The following IL18RAP variants were observed in gnomAD, a reference collection of about 807,000 sequenced individuals.
IL18RAP encodes the protein interleukin 18 receptor accessory protein.
A neutral mutation model predicts 58.1 loss-of-function variants in IL18RAP; 37 were observed. That is an observed-to-expected ratio of 0.64 (90% CI 0.49 to 0.84). IL18RAP has a LOEUF of 0.84. Ranked by LOEUF, IL18RAP falls within the 40% of genes least tolerant of loss-of-function variation. The probability of loss-of-function intolerance (pLI) is 0.00; values close to 1 mark genes in which losing one functional copy is unlikely to be tolerated. For missense variants in IL18RAP, 667 were observed against 704.8 expected, an observed-to-expected ratio of 0.95 and a Z score of 0.61; for synonymous variants, 268 against 257.5, an observed-to-expected ratio of 1.04 and a Z score of -0.39.
At chr2:102,446,675 C>T (rs899138416) in intron 7 of IL18RAP, among the ~76,000 whole-genome samples, 13 of 152,150 alleles carry the variant, frequency 8.5e-5, no homozygotes, top group African/African-American at 1.4e-4. Context: ...GTGGCGGGCG[C>T]CTGTAGTCCC....
intron 3 of IL18RAP, among the ~76,000 whole-genome samples, chr2:102,425,119 G>A (rs1382117285): frequency 6.6e-6 from 1 of 152,148 alleles, no homozygotes; most frequent in Non-Finnish European, 1.5e-5. Flanking sequence ...ATTCTTGGGT[G>A]GTGGAATCCA....
chr2:102,422,364 A>G (rs565139294), upstream of IL18RAP, among the ~76,000 whole-genome samples: 9 of 152,240 alleles, frequency 5.9e-5, no homozygotes, highest in Admixed American at 3.9e-4. Flanking sequence ...GCCTACTTTT[A>G]AAGGTTGAGG....
chr2:102,431,649 G>A (rs1006424614), intron 3 of IL18RAP, among the ~76,000 whole-genome samples: 9 of 151,414 alleles, frequency 5.9e-5, no homozygotes, highest in African/African-American at 1.2e-4. Flanking sequence ...CTGACATCAC[G>A]GATGCTTTCT....
chr2:102,435,567 G>C (rs1270261473), intron 3 of IL18RAP, among the ~76,000 whole-genome samples: 1 of 152,154 alleles, frequency 6.6e-6, no homozygotes, highest in East Asian at 1.9e-4. Flanking sequence ...GGGAGAATAG[G>C]CCAGGGAGGA....
chr2:102,450,912 T>A lies in IL18RAP; in HGVS notation c.1275T>A (p.Thr425=). The stretch of plus-strand genomic sequence containing the variant: ...GGAGCTCTTTTCCAAGTGAGGCCAC[T>A]TCATCTCTGAGTGAAGAACACTTGG... The part of the protein sequence containing the change: ...AKWSSFPSEA[T]SSLSEEHLAL... Residue 425 remains threonine (T), a synonymous_variant, in exon 9 of 10, where the codon ACT becomes ACA. Coordinates refer to ENST00000687160, the MANE Select transcript of IL18RAP (RefSeq NM_001393487.1). The A allele has an allele frequency of 1.9e-6, 3 of 1,613,030 alleles. No homozygotes were observed. The highest frequency in any genetic ancestry group is 1.1e-5 in the South Asian group (1 of 90,618).
At chr2:102,449,599 T>A (rs553585405) in intron 8 of IL18RAP, among the ~76,000 whole-genome samples, 124 of 152,294 alleles carry the variant, frequency 8.1e-4, no homozygotes, top group Non-Finnish European at 1.0e-3. Flanking sequence ...TAACATTTTT[T>A]AGCAAAATGA....
At chr2:102,428,468 G>A (rs2104310160) in intron 3 of IL18RAP, among the ~76,000 whole-genome samples, 1 of 150,868 alleles carries the variant, frequency 6.6e-6, no homozygotes, top group Admixed American at 6.6e-5. Context: ...TAGTTCCTAT[G>A]GTAAGTGGGC....
intron 6 of IL18RAP, among the ~76,000 whole-genome samples, chr2:102,443,703 T>C (rs1683245629): frequency 6.6e-6 from 1 of 152,064 alleles, no homozygotes; most frequent in Non-Finnish European, 1.5e-5. Context: ...TGTGGGGTAA[T>C]GAACAGTCTA....
intron 4 of IL18RAP, among the ~76,000 whole-genome samples, chr2:102,440,699 C>T (rs17027179): frequency 0.26 from 39,231 of 151,750 alleles, 5,369 homozygotes; most frequent in East Asian, 0.4. Flanking sequence ...AGAAGGAGGT[C>T]TCTGAGAAGT....
intron 5 of IL18RAP, 93 bp from the exon 6 acceptor site, chr2:102,443,107 G>A: frequency 7.9e-7 from 1 of 1,259,386 alleles, no homozygotes; most frequent in Non-Finnish European, 1.1e-6. Flanking sequence ...GATTGCATCA[G>A]GAGACAGCTT....
chr2:102,422,132 G>A (rs577626955), upstream of IL18RAP, among the ~76,000 whole-genome samples: 22 of 152,202 alleles, frequency 1.4e-4, no homozygotes, highest in Middle Eastern at 3.4e-3. Context: ...GAAGCTCTCC[G>A]TTATCTCACC....
chr2:102,445,838 A>G (rs1477757521), intron 7 of IL18RAP, among the ~76,000 whole-genome samples: 1 of 151,718 alleles, frequency 6.6e-6, no homozygotes, highest in East Asian at 1.9e-4. Flanking sequence ...AAAAAGCTGG[A>G]GTAGAAATTC....
At chr2:102,448,777 T>C (rs781614277) in intron 8 of IL18RAP, among the ~76,000 whole-genome samples, 175 of 150,860 alleles carry the variant, frequency 1.2e-3, no homozygotes, top group Middle Eastern at 3.5e-3. Context: ...CTGGGCAACA[T>C]GGTGAAACCT....
intron 3 of IL18RAP, among the ~76,000 whole-genome samples, chr2:102,426,959 C>T (rs890157891): frequency 1.3e-5 from 2 of 152,130 alleles, no homozygotes; most frequent in African/African-American, 4.8e-5. Context: ...TTCTCTACTT[C>T]TATGAGTTCA....
intron 3 of IL18RAP, among the ~76,000 whole-genome samples, chr2:102,436,257 G>C (rs552974992): frequency 5.3e-5 from 8 of 152,066 alleles, no homozygotes; most frequent in Non-Finnish European, 1.0e-4. Context: ...GTTCTCATGC[G>C]ATTTATGACA....
At chr2:102,441,213 A>C (rs1683082457) in intron 4 of IL18RAP, 99 bp from the exon 5 acceptor site, 1 of 857,930 alleles carries the variant, frequency 1.2e-6, no homozygotes. Context: ...ACAGAGCTCC[A>C]AGACATTTAG....
At chr2:102,427,785 G>T (rs1034949938) in intron 3 of IL18RAP, among the ~76,000 whole-genome samples, 2 of 151,964 alleles carry the variant, frequency 1.3e-5, no homozygotes, top group Non-Finnish European at 2.9e-5. Context: ...TAACAGTGCT[G>T]TAGAGCTTTC....
At chr2:102,423,579 T>A (rs1681720823) in intron 1 of IL18RAP, among the ~76,000 whole-genome samples, 1 of 152,186 alleles carries the variant, frequency 6.6e-6, no homozygotes, top group Non-Finnish European at 1.5e-5. Context: ...TGACGAGGGA[T>A]GAGCCAGAGT....
At chr2:102,449,116 A>C (rs1194565412) in intron 8 of IL18RAP, among the ~76,000 whole-genome samples, 1 of 151,842 alleles carries the variant, frequency 6.6e-6, no homozygotes, top group Non-Finnish European at 1.5e-5. Flanking sequence ...AAAAATACAA[A>C]ATGTAGCCAG....
Sources: allele counts gnomAD v4.1 joint callset (sites outside exome capture counted in the v4.1 genomes callset), GRCh38; gene constraint gnomAD v4.1.1; transcripts MANE v1.5; gene names NCBI Gene and HGNC (gene_info 2026-07-23, HGNC 2026-07-21).